THSD7A: variants seen among roughly 807,000 people sequenced by gnomAD.
The protein encoded by THSD7A is thrombospondin type-1 domain-containing protein 7A.
Under a neutral mutation model 231.3 loss-of-function variants are expected in THSD7A, and 96 were observed. That is an observed-to-expected ratio of 0.41 (90% CI 0.35 to 0.49). The LOEUF is 0.49. THSD7A is among the 20% of genes least tolerant of loss of function. The probability of loss-of-function intolerance (pLI) is 0.05; values close to 1 mark genes in which losing one functional copy is unlikely to be tolerated. For synonymous variants in THSD7A, 940 were observed against 743.3 expected, an observed-to-expected ratio of 1.26 and a Z score of -4.30; for missense variants, 2,290 against 2,070.2, an observed-to-expected ratio of 1.11 and a Z score of -2.06.
At chr7:11,469,828 T>A (rs1260878432) in intron 9 of THSD7A, 51 bp downstream of exon 9, 17 of 1,297,682 alleles carry the variant, frequency 1.3e-5, no homozygotes, top group Non-Finnish European at 1.7e-5. Flanking sequence ...CTCAGAAGTC[T>A]ACCGAGGAGG....
rs756059860 is a variant in THSD7A at position 11,715,837 on chromosome 7, C to T, written c.191-78876G>A. ...GGGATGAAAAACAGTAAATGATGGA[C>T]GCTTTATTACATGAAAGCCAGTTTG... is the stretch of plus-strand genomic sequence containing the variant. On this transcript the variant is annotated intron_variant, in intron 1 of 27. Coordinates refer to ENST00000423059, the MANE Select transcript of THSD7A (RefSeq NM_015204.3). Among the ~76,000 whole-genome samples the T allele has an allele frequency of 1.2e-4, 18 of 151,458 alleles. 1 individual carries two copies. Among genetic ancestry groups the T allele is most frequent in the Non-Finnish European group, 1.8e-4 (12 of 67,694 alleles).
At chr7:11,582,857 A>G (rs558456654) in intron 4 of THSD7A, among the ~76,000 whole-genome samples, 1 of 151,828 alleles carries the variant, frequency 6.6e-6, no homozygotes, top group Non-Finnish European at 1.5e-5. Context: ...ATTTCACTAC[A>G]TTGTCCCTAG....
At chr7:11,754,595 T>C (rs115654728) in intron 1 of THSD7A, among the ~76,000 whole-genome samples, 40 of 152,258 alleles carry the variant, frequency 2.6e-4, no homozygotes, top group African/African-American at 9.6e-4. Flanking sequence ...TTTTATGATT[T>C]AGGTCATGCA....
intron 4 of THSD7A, among the ~76,000 whole-genome samples, chr7:11,586,144 T>G (rs1486385201): frequency 6.6e-6 from 1 of 152,106 alleles, no homozygotes; most frequent in East Asian, 1.9e-4. Context: ...AATTATGGAG[T>G]GTTTATACTT....
intron 6 of THSD7A, among the ~76,000 whole-genome samples, chr7:11,527,010 T>C (rs1387997648): frequency 6.6e-6 from 1 of 152,172 alleles, no homozygotes; most frequent in Non-Finnish European, 1.5e-5. Flanking sequence ...GACTGAGAAG[T>C]CTAACCAATG....
At chr7:11,808,374 C>G (rs188184957) in intron 1 of THSD7A, among the ~76,000 whole-genome samples, 5 of 152,240 alleles carry the variant, frequency 3.3e-5, no homozygotes, top group East Asian at 1.9e-4. Flanking sequence ...CACAGCATCC[C>G]TCACCTTCAG....
At chr7:11,663,526 C>A (rs771566675) in intron 1 of THSD7A, among the ~76,000 whole-genome samples, 2 of 151,534 alleles carry the variant, frequency 1.3e-5, no homozygotes, top group Non-Finnish European at 3.0e-5. Flanking sequence ...AAAAGGGAAT[C>A]TTTATGAGCT....
At chr7:11,488,256 CTTT>C (rs1786742664) in intron 6 of THSD7A, among the ~76,000 whole-genome samples, 1 of 152,060 alleles carries the variant, frequency 6.6e-6, no homozygotes, top group Non-Finnish European at 1.5e-5. Flanking sequence ...TTCACATTGA[CTTT>C]TGAGAGTGAT....
intron 23 of THSD7A, among the ~76,000 whole-genome samples, chr7:11,395,643 T>G (rs1255758346): frequency 6.6e-6 from 1 of 151,804 alleles, no homozygotes; most frequent in African/African-American, 2.4e-5. Flanking sequence ...TTCTCCTGCC[T>G]CAGCCTCCCG....
chr7:11,698,872 G>T (rs2128143995), intron 1 of THSD7A, among the ~76,000 whole-genome samples: 1 of 151,246 alleles, frequency 6.6e-6, no homozygotes, highest in Non-Finnish European at 1.5e-5. Flanking sequence ...ATCAGATCAG[G>T]TTTTGGATCA....
intron 6 of THSD7A, among the ~76,000 whole-genome samples, chr7:11,529,890 A>T (rs12670077): frequency 0.27 from 41,434 of 152,284 alleles, 7,072 homozygotes; most frequent in Non-Finnish European, 0.38. Flanking sequence ...AGAGGAATAA[A>T]AGTAACAACA....
At chr7:11,782,565 T>G (rs1368096651) in intron 1 of THSD7A, among the ~76,000 whole-genome samples, 5 of 152,154 alleles carry the variant, frequency 3.3e-5, no homozygotes, top group Non-Finnish European at 4.4e-5. Context: ...CTCTGTTTCA[T>G]GGTATCTTTC....
At chr7:11,385,458 G>C (rs1250018926) in intron 23 of THSD7A, 3 of 151,988 alleles carry the variant, frequency 2.0e-5, no homozygotes, top group Non-Finnish European at 4.4e-5. Context: ...TTCTCTTCTA[G>C]TTCAAGTTTG....
intron 1 of THSD7A, among the ~76,000 whole-genome samples, chr7:11,712,523 C>G (rs1400497782): frequency 6.6e-6 from 1 of 151,000 alleles, no homozygotes; most frequent in African/African-American, 2.4e-5. Context: ...CTGTCACTAA[C>G]CTTGGCACTA....
At chr7:11,390,241 A>G (rs1410372817) in intron 23 of THSD7A, among the ~76,000 whole-genome samples, 1 of 152,220 alleles carries the variant, frequency 6.6e-6, no homozygotes, top group African/African-American at 2.4e-5. Context: ...AGGTACAACA[A>G]TCAAAGGCAG....
chr7:11,652,141 A>T (rs1214335278), intron 1 of THSD7A, among the ~76,000 whole-genome samples: 5 of 151,970 alleles, frequency 3.3e-5, no homozygotes, highest in Non-Finnish European at 7.4e-5. Flanking sequence ...GATACATATT[A>T]AATTTTAGTA....
At chr7:11,758,080 T>C (rs1225342744) in intron 1 of THSD7A, among the ~76,000 whole-genome samples, 2 of 150,164 alleles carry the variant, frequency 1.3e-5, no homozygotes, top group Middle Eastern at 3.6e-3. Flanking sequence ...AATAAATAAG[T>C]GCATTATCTT....
chr7:11,600,244 T>C (rs1780503082), intron 2 of THSD7A, among the ~76,000 whole-genome samples: 1 of 152,192 alleles, frequency 6.6e-6, no homozygotes, highest in Non-Finnish European at 1.5e-5. Context: ...ACTTGAAACT[T>C]TACAGGCAAT....
intron 13 of THSD7A, among the ~76,000 whole-genome samples, chr7:11,442,445 G>C (rs1784835701): frequency 6.6e-6 from 1 of 151,996 alleles, no homozygotes; most frequent in African/African-American, 2.4e-5. Context: ...TATTGAATAG[G>C]GGATTATTGT....
Sources: gnomAD v4.1 joint callset for allele counts (sites outside exome capture counted in the v4.1 genomes callset) on GRCh38, gnomAD v4.1.1 for gene constraint, MANE v1.5 for transcripts, NCBI Gene and HGNC (gene_info 2026-07-23, HGNC 2026-07-21) for gene names.